The following ADAP1 variants were observed in gnomAD, a reference collection of about 807,000 sequenced individuals.
The protein encoded by ADAP1 is ArfGAP with dual PH domains 1.
A neutral mutation model predicts 54.9 loss-of-function variants in ADAP1; 31 were observed. The observed-to-expected ratio is 0.56, with a 90% confidence interval of 0.42 to 0.76. The LOEUF (loss-of-function observed/expected upper bound fraction) is 0.76. Ranked by LOEUF, ADAP1 falls within the 30% of genes least tolerant of loss-of-function variation. The pLI, the probability that ADAP1 is intolerant of heterozygous loss-of-function variation, is 0.00. For synonymous variants in ADAP1, 313 were observed against 202.6 expected (o/e 1.55, Z -4.63); for missense variants, 535 against 512.4 (o/e 1.04, Z -0.42).
At chr7:928,395 A>C (rs56832589) in intron 2 of ADAP1, among the ~76,000 whole-genome samples, 40,359 of 152,210 alleles carry the variant, frequency 0.27, 5,963 homozygotes, top group Middle Eastern at 0.44. Context: ...ATAAAAAATA[A>C]ATAAAAATGG....
chr7:931,555 C>A (rs1359074375), intron 2 of ADAP1, among the ~76,000 whole-genome samples: 1 of 152,142 alleles, frequency 6.6e-6, no homozygotes, highest in Non-Finnish European at 1.5e-5. Flanking sequence ...GGATTTGCAG[C>A]TGCTTTGGGC....
At chr7:951,583 A>C (rs114961782) in intron 1 of ADAP1, among the ~76,000 whole-genome samples, 1,790 of 151,136 alleles carry the variant, frequency 0.012, 44 homozygotes, top group African/African-American at 0.041. Flanking sequence ...TTAAAAAAAA[A>C]AATTAGCTGG....
chr7:904,401 G>C (rs1583123494), intron 5 of ADAP1, 129 bp from the exon 6 acceptor site: 2 of 1,228,200 alleles, frequency 1.6e-6, no homozygotes, highest in African/African-American at 1.5e-5. Context: ...AGTTACTTAA[G>C]CGCTCTGAGC....
rs544591734 is a variant in ADAP1 at position 898,705 on chromosome 7, C to T, written c.*216G>A. 5.9e-5 allele frequency: 37 copies of T among 624,258 alleles called. No individual in the cohort carries two copies. Among genetic ancestry groups the T allele is most frequent in the East Asian group, 3.9e-4 (14 of 35,760 alleles). The allele number at this position is 624,258 out of a possible 1,614,324, so 38.7% of individuals were successfully genotyped here. ...CTGGGTGTGGTCAGCAGCAGCATGACGGGGTTAGAGATCAGGCCCAGGGCC... is the reference window on the plus strand; with the variant it reads ...CTGGGTGTGGTCAGCAGCAGCATGATGGGGTTAGAGATCAGGCCCAGGGCC... On this transcript the variant is annotated 3_prime_UTR_variant, in exon 11 of 11. Coordinates refer to ENST00000265846, the MANE Select transcript of ADAP1 (RefSeq NM_006869.4).
chr7:949,296 G>A (rs1001540233), intron 1 of ADAP1, among the ~76,000 whole-genome samples: 5 of 152,248 alleles, frequency 3.3e-5, no homozygotes, highest in African/African-American at 4.8e-5. Flanking sequence ...GCCACGTGCC[G>A]CCTCAGCCAC....
At chr7:929,639 G>C (rs1047841300) in intron 2 of ADAP1, among the ~76,000 whole-genome samples, 1 of 152,070 alleles carries the variant, frequency 6.6e-6, no homozygotes, top group African/African-American at 2.4e-5. Context: ...GGCTGGGGCG[G>C]TGGTGATGGG....
intron 1 of ADAP1, among the ~76,000 whole-genome samples, chr7:951,928 A>G (rs1847281707): frequency 6.6e-6 from 1 of 152,086 alleles, no homozygotes; most frequent in Non-Finnish European, 1.5e-5. Flanking sequence ...CGGCCTCCCA[A>G]AGCACTGGGA....
At chr7:916,047 C>T (rs1845921311) in intron 4 of ADAP1, among the ~76,000 whole-genome samples, 1 of 152,254 alleles carries the variant, frequency 6.6e-6, no homozygotes, top group South Asian at 2.1e-4. Context: ...AGAAGGGCCA[C>T]TCCAGGGGCC....
intron 4 of ADAP1, 73 bp from the exon 5 acceptor site, chr7:905,245 G>A (rs1845055280): frequency 2.7e-6 from 3 of 1,104,662 alleles, no homozygotes; most frequent in Non-Finnish European, 4.0e-6. Flanking sequence ...ACGATGGACA[G>A]GACAGAGGGG....
intron 1 of ADAP1, among the ~76,000 whole-genome samples, chr7:951,836 G>C (rs1847279254): frequency 6.6e-6 from 1 of 152,158 alleles, no homozygotes; most frequent in South Asian, 2.1e-4. Flanking sequence ...TTTTGAGACA[G>C]GGTCTCACTC....
Position 901,250 on chromosome 7 carries a change from G to A in ADAP1, c.649-634C>T, listed in dbSNP as rs529450053. 1.8e-4 allele frequency: 62 copies of A among 353,154 alleles called. 1 individual carries two copies. In the East Asian group the frequency reaches 3.8e-3, roughly 21 times the overall value. The allele number at this position is 353,154 out of a possible 1,614,324, so 21.9% of individuals were successfully genotyped here. On this transcript the variant is annotated intron_variant, in intron 6 of 10. Transcript: ENST00000265846. ...CCCTCTGGGTCTAGACTTCAGCCTG[G>A]CTGTCCCCTGCCCCTAGACCCAGCG...
rs1240072042 is a variant in ADAP1, at chr7:904,286, G to T, written c.502-14C>A. 3 of 1,565,570 alleles carry T rather than the reference G, an allele frequency of 1.9e-6. No homozygotes were observed. The highest frequency in any genetic ancestry group is 2.6e-6 in the Non-Finnish European group (3 of 1,154,424). On this transcript the variant is annotated splice_polypyrimidine_tract_variant and intron_variant, in intron 5 of 10. Transcript: ENST00000265846. ...GGGCTCCTTGGCCTGAGAAGGGGTG[G>T]GGTCTAAGCACCTCACAGGGGCCGT... is the stretch of plus-strand genomic sequence containing the variant.
intron 4 of ADAP1, among the ~76,000 whole-genome samples, chr7:916,354 T>C (rs530918498): frequency 2.1e-4 from 32 of 152,286 alleles, no homozygotes; most frequent in African/African-American, 7.5e-4. Context: ...GTCAATCCAT[T>C]TCCAGTTTTG....
At chr7:935,550 C>G in intron 1 of ADAP1, 45 bp from the exon 2 acceptor site, 1 of 1,548,918 alleles carries the variant, frequency 6.5e-7, no homozygotes, top group Non-Finnish European at 8.7e-7. Context: ...GCCCAGGGAC[C>G]CCGGAGGGAG....
intron 6 of ADAP1, among the ~76,000 whole-genome samples, chr7:903,771 C>T (rs970590385): frequency 1.3e-5 from 2 of 152,192 alleles, no homozygotes; most frequent in Non-Finnish European, 2.9e-5. Context: ...CCCGAGGTCC[C>T]CTCTGGGCAT....
chr7:914,951 A>G lies in ADAP1; in HGVS notation c.388+5017T>C, dbSNP rs115172034. On this transcript the variant is annotated intron_variant, in intron 4 of 10. Transcript: ENST00000265846. The stretch of plus-strand genomic sequence containing the variant: ...AGCAGGTGGGTGTCAGTGGGCCCTG[A>G]GCACAGGGCCATACGACTCAGCACC... 5.3e-3 allele frequency among the ~76,000 whole-genome samples: 809 copies of G among 151,792 alleles called. 4 individuals carry two copies. The highest frequency in any genetic ancestry group is 0.019 in the African/African-American group (765 of 41,348).
At chr7:904,921 G>C in intron 5 of ADAP1, 139 bp downstream of exon 5, 1 of 736,256 alleles carries the variant, frequency 1.4e-6, no homozygotes, top group Non-Finnish European at 2.3e-6. Flanking sequence ...AACACAGGCC[G>C]GTTCTCCTGG....
chr7:904,380 G>A, intron 5 of ADAP1, 108 bp from the exon 6 acceptor site: 3 of 1,415,704 alleles, frequency 2.1e-6, no homozygotes, highest in Non-Finnish European at 2.8e-6. Flanking sequence ...TGTGCTGTGT[G>A]GCTTTGGGCA....
chr7:922,928 A>C (rs1181004819), intron 3 of ADAP1: 1 of 132,450 alleles, frequency 7.6e-6, no homozygotes, highest in Non-Finnish European at 1.5e-5. Context: ...ACCCCATCCT[A>C]CTGGGAGCCC....
Sources: allele counts gnomAD v4.1 joint callset (sites outside exome capture counted in the v4.1 genomes callset), GRCh38; gene constraint gnomAD v4.1.1; transcripts MANE v1.5; gene names NCBI Gene and HGNC (gene_info 2026-07-23, HGNC 2026-07-21).